Variants in VGF observed in about 807,000 individuals in gnomAD.
VGF encodes the protein neurosecretory protein VGF.
A neutral mutation model predicts 41.1 loss-of-function variants in VGF; 13 were observed. That is an observed-to-expected ratio of 0.32 (90% CI 0.21 to 0.50). The LOEUF (loss-of-function observed/expected upper bound fraction) is 0.50. VGF is among the 20% of genes least tolerant of loss of function. The probability of loss-of-function intolerance (pLI) is 0.98; values close to 1 mark genes in which losing one functional copy is unlikely to be tolerated. For synonymous variants in VGF, 473 were observed against 418.3 expected, an observed-to-expected ratio of 1.13 and a Z score of -1.60; for missense variants, 920 against 882.1, an observed-to-expected ratio of 1.04 and a Z score of -0.54.
At chr7:101,167,073 T>C (rs565321368), upstream of VGF, among the ~76,000 whole-genome samples, 428 of 152,076 alleles carry the variant, frequency 2.8e-3, 3 homozygotes, top group Non-Finnish European at 4.7e-3. This position sits in a 1 kb window ranked among gnomAD's most constrained non-coding sequence, Gnocchi z 4.2. Context: ...TCAGAAACGG[T>C]CCTCGCCCCC....
Position 101,163,809 on chromosome 7 carries a change from G to A in VGF, c.1035C>T (p.Gly345=). 6.5e-7 allele frequency: 1 copy of A among 1,532,922 alleles called. No homozygotes were observed. Among genetic ancestry groups the A allele is most frequent in the Non-Finnish European group, 8.7e-7 (1 of 1,144,708 alleles). The allele number at this position is 1,532,922 out of a possible 1,614,324, so 95.0% of individuals were successfully genotyped here. A position where few individuals can be genotyped will look rare whatever the true frequency, so the allele number is the denominator to read the frequency against. Residue 345 remains glycine, a synonymous_variant, in exon 2 of 2, where the codon GGC becomes GGT. Transcript: ENST00000249330. This position sits in a 1 kb window ranked among gnomAD's most constrained non-coding sequence, Gnocchi z 5.0. ...CCTCCTGCAGCCCCCGACCCCCGAG[G>A]CCGCGCTGCCGGGCCCCGCCCTGCA... is the stretch of plus-strand genomic sequence containing the variant. ...YLLQGGARQR[G]LGGRGLQEAA...
chr7:101,163,719 C>T lies in VGF; in HGVS notation c.1125G>A (p.Glu375=), dbSNP rs1160587059. Residue 375 remains glutamate (E), a synonymous_variant, in exon 2 of 2, where the codon GAG becomes GAA. Transcript: ENST00000249330. This position sits in a 1 kb window ranked among gnomAD's most constrained non-coding sequence, Gnocchi z 5.0. ...CCTCATCCTCTTCCCCCACCCTCTC[C>T]TCCCCGCCGCGTCTCTCCTGCTCCG... is the stretch of plus-strand genomic sequence containing the variant. ...EEAEQERRGG[E]ERVGEEDEEA... is the part of the protein sequence containing the mutation. 12 of 1,535,530 alleles carry T rather than the reference C, an allele frequency of 7.8e-6. No homozygotes were observed. Among genetic ancestry groups the T allele is most frequent in the South Asian group, 1.2e-5 (1 of 83,996 alleles).
upstream of VGF, chr7:101,165,591 C>T (rs946364377): frequency 1.3e-5 from 13 of 985,306 alleles, no homozygotes; most frequent in African/African-American, 1.7e-5. Flanking sequence ...GCGCCTCCAC[C>T]GCCTTATAAA....
chr7:101,166,384 AG>A (rs1362789898), upstream of VGF, among the ~76,000 whole-genome samples: 1 of 152,100 alleles, frequency 6.6e-6, no homozygotes, highest in African/African-American at 2.4e-5. Flanking sequence ...GCTTGTGTCA[AG>A]GCCCCCCGCT....
rs1584210286 is a variant in VGF, at chr7:101,163,302, A to G, written c.1542T>C (p.Ala514=). ...RSPQPPPPAP[A]PARDELPDWN... is the part of the protein sequence containing the mutation. ...AGTCCGGCAGCTCGTCTCGTGCGGGAGCGGGGGCGGGGGGCGGGGGCTGCG... is the reference window on the plus strand; with the variant it reads ...AGTCCGGCAGCTCGTCTCGTGCGGGGGCGGGGGCGGGGGGCGGGGGCTGCG... The change falls in exon 2 of 2, where the codon GCT becomes GCC. Residue 514 remains alanine (A), a synonymous_variant. Transcript: ENST00000249330. This position sits in a 1 kb window ranked among gnomAD's most constrained non-coding sequence, Gnocchi z 5.0. 2.0e-6 allele frequency: 2 copies of G among 1,011,514 alleles called. No homozygotes were observed. Among genetic ancestry groups the G allele is most frequent in the Non-Finnish European group, 2.4e-6 (2 of 830,134 alleles). The allele number at this position is 1,011,514 out of a possible 1,614,324, so 62.7% of individuals were successfully genotyped here.
At chr7:101,165,877 A>G (rs189003560), upstream of VGF, among the ~76,000 whole-genome samples, 18 of 152,318 alleles carry the variant, frequency 1.2e-4, no homozygotes, top group Admixed American at 1.2e-3. Context: ...AAAAGGATGA[A>G]TGAATGAATG....
At chr7:101,166,574 G>A (rs1056449642), upstream of VGF, among the ~76,000 whole-genome samples, 1 of 150,542 alleles carries the variant, frequency 6.6e-6, no homozygotes, top group Non-Finnish European at 1.5e-5. Flanking sequence ...GTTTGAACGC[G>A]ATGGGAGGGG....
At position 101,164,465 on chromosome 7, in the gene VGF, G is replaced by C; in HGVS notation, c.379C>G (p.Pro127Ala). ...ETVRSQTHSL[P>A]APESPEPAAP... ...GCGGGCTCCGGGCTCTCCGGCGCCG[G>C]GAGGCTGTGGGTCTGGCTGCGCACG... is the stretch of plus-strand genomic sequence containing the variant. Residue 127 changes from proline (P) to alanine (A), a missense_variant, in exon 2 of 2, where the codon CCG (proline) becomes GCG (alanine). Pro to Ala is a conservative substitution (Grantham distance 27). Coordinates refer to ENST00000249330, the MANE Select transcript of VGF (RefSeq NM_003378.4). 1.2e-6 allele frequency: 2 copies of C among 1,602,596 alleles called. No homozygotes were observed. The highest frequency in any genetic ancestry group is 1.3e-5 in the African/African-American group (1 of 74,978).
At position 101,163,022 on chromosome 7, in the gene VGF, C is replaced by G. The variant is rs1456211292; in HGVS notation, c.1822G>C (p.Glu608Gln). 6 of 1,542,754 alleles carry G rather than the reference C, an allele frequency of 3.9e-6. No individual in the cohort carries two copies. Among genetic ancestry groups the G allele is most frequent in the Admixed American group, 2.0e-5 (1 of 50,806 alleles). ...CACGGGCGCCGGAGCAGCACGTGCT[C>G]GATGTAATTCTCCAGCTCCTCCTGC... Reference protein sequence around the residue: ...QEQEELENYIEHVLLRRP With the variant: ...QEQEELENYIQHVLLRRP Residue 608 changes from glutamate (E) to glutamine (Q), a missense_variant, in exon 2 of 2, where the codon GAG (glutamate) becomes CAG (glutamine). Transcript: ENST00000249330. The surrounding 1 kb of genome is among the most constrained non-coding windows in gnomAD (Gnocchi z 5.0).
chr7:101,165,736 TGC>T (rs1401321350), upstream of VGF: 39 of 867,324 alleles, frequency 4.5e-5, no homozygotes, highest in Non-Finnish European at 5.3e-5. Flanking sequence ...GGCCTGCGCC[TGC>T]GCGCTGGGGC....
At chr7:101,169,521 G>A (rs1277483481), upstream of VGF, among the ~76,000 whole-genome samples, 1 of 152,082 alleles carries the variant, frequency 6.6e-6, no homozygotes, top group Non-Finnish European at 1.5e-5. Context: ...CAGTTACCCA[G>A]ACCTAGGCTG....
At position 101,164,670 on chromosome 7, in the gene VGF, C is replaced by T. The variant is rs1797188601; in HGVS notation, c.174G>A (p.Glu58=). The part of the protein sequence containing the change: ...VPGPKDGSAP[E]VRGARNSEPQ... ...GCTCGGAATTCCGAGCGCCTCGGAC[C>T]TCTGGGGCGCTGCCATCCTTTGGCC... Residue 58 remains glutamate, a synonymous_variant, in exon 2 of 2, where the codon GAG becomes GAA. Transcript: ENST00000249330. 1 of 1,596,428 alleles carries T rather than the reference C, an allele frequency of 6.3e-7. No individual in the cohort carries two copies. The highest frequency in any genetic ancestry group is 8.5e-7 in the Non-Finnish European group (1 of 1,171,808).
chr7:101,164,477 T>C lies in VGF; in HGVS notation c.367A>G (p.Thr123Ala), dbSNP rs768425527. 1 of 1,601,982 alleles carries C rather than the reference T, an allele frequency of 6.2e-7. No homozygotes were observed. Among genetic ancestry groups the C allele is most frequent in the Non-Finnish European group, 8.5e-7 (1 of 1,178,734 alleles). The change falls in exon 2 of 2, where the codon ACC (threonine) becomes GCC (alanine). Residue 123 changes from threonine (T) to alanine (A), a missense_variant. Thr to Ala is a moderately conservative substitution (Grantham distance 58). Coordinates refer to ENST00000249330, the MANE Select transcript of VGF (RefSeq NM_003378.4). Reference sequence around the variant, plus strand: ...CTCTCCGGCGCCGGGAGGCTGTGGGTCTGGCTGCGCACGGTCTCGGTCAGC... The same window carrying C: ...CTCTCCGGCGCCGGGAGGCTGTGGGCCTGGCTGCGCACGGTCTCGGTCAGC... ...ALLTETVRSQ[T>A]HSLPAPESPE...
Position 101,164,175 on chromosome 7 carries a change from C to G in VGF, c.669G>C (p.Leu223=). ...FQARVPERAP[L]PPPAPSQFQA... is the part of the protein sequence containing the mutation. The stretch of plus-strand genomic sequence containing the variant: ...GGAATTGAGAGGGGGCCGGGGGCGG[C>G]AGGGGCGCGCGCTCCGGGACACGCG... Residue 223 remains leucine, a synonymous_variant, in exon 2 of 2, where the codon CTG becomes CTC. Transcript: ENST00000249330. 1 of 1,512,480 alleles carries G rather than the reference C, an allele frequency of 6.6e-7. No homozygotes were observed. Among genetic ancestry groups the G allele is most frequent in the Non-Finnish European group, 8.8e-7 (1 of 1,137,340 alleles). The allele number at this position is 1,512,480 out of a possible 1,614,324, so 93.7% of individuals were successfully genotyped here.
chr7:101,163,900 C>T lies in VGF; in HGVS notation c.944G>A (p.Arg315Gln), dbSNP rs962048493. The change falls in exon 2 of 2, where the codon CGG becomes CAG. Residue 315 changes from arginine to glutamine, a missense_variant. Transcript: ENST00000249330. The surrounding 1 kb of genome is among the most constrained non-coding windows in gnomAD (Gnocchi z 5.0). ...CCGCTCTTCCTGCGCCGCGGCCTGC[C>T]GCGTGGCCTCCGCCTGCCGCCGCCC... The part of the protein sequence containing the change: ...EAGRRQAEAT[R>Q]QAAAQEERLA... The T allele has an allele frequency of 1.4e-6, 2 of 1,473,862 alleles. No homozygotes were observed. The highest frequency in any genetic ancestry group is 2.5e-5 in the Admixed American group (1 of 40,716). The allele number at this position is 1,473,862 out of a possible 1,614,324, so 91.3% of individuals were successfully genotyped here.
In VGF at chr7:101,164,234, G is replaced by C; in HGVS notation, c.610C>G (p.Arg204Gly). Residue 204 changes from arginine (R) to glycine (G), a missense_variant, in exon 2 of 2, where the codon CGC (arginine) becomes GGC (glycine). Coordinates refer to ENST00000249330, the MANE Select transcript of VGF (RefSeq NM_003378.4). ...RVNLESPGPERVWRASWGEFQ... is the reference protein window; with the variant it reads ...RVNLESPGPEGVWRASWGEFQ... ...TCTCCCCAGGAAGCGCGCCATACGC[G>C]CTCTGGCCCCGGGCTCTCCAGATTC... 2.5e-6 allele frequency: 4 copies of C among 1,578,900 alleles called. No individual in the cohort carries two copies. Among genetic ancestry groups the C allele is most frequent in the Non-Finnish European group, 3.4e-6 (4 of 1,164,640 alleles).
At position 101,164,452 on chromosome 7, in the gene VGF, C is replaced by A. The variant is rs1206086299; in HGVS notation, c.392G>T (p.Ser131Ile). Residue 131 changes from serine to isoleucine, a missense_variant, in exon 2 of 2, where the codon AGC becomes ATC. Ser to Ile is a moderately radical substitution (Grantham distance 142). Coordinates refer to ENST00000249330, the MANE Select transcript of VGF (RefSeq NM_003378.4). ...GCGAGGCGGAGCCGCGGGCTCCGGGCTCTCCGGCGCCGGGAGGCTGTGGGT... is the reference window on the plus strand; with the variant it reads ...GCGAGGCGGAGCCGCGGGCTCCGGGATCTCCGGCGCCGGGAGGCTGTGGGT... ...SQTHSLPAPE[S>I]PEPAAPPRPQ... 5 of 1,603,918 alleles carry A rather than the reference C, an allele frequency of 3.1e-6. No individual in the cohort carries two copies. In the East Asian group the frequency reaches 6.7e-5, roughly 22 times the overall value.
At position 101,163,140 on chromosome 7, in the gene VGF, G is replaced by T. The variant is rs779495875; in HGVS notation, c.1704C>A (p.His568Gln). The T allele has an allele frequency of 3.2e-6, 5 of 1,584,832 alleles. No homozygotes were observed. The highest frequency in any genetic ancestry group is 1.8e-5 in the Admixed American group (1 of 56,532). ...PSALRRRHYH[H>Q]ALPPSRHYPG... is the part of the protein sequence containing the mutation. Reference sequence around the variant, plus strand: ...GATAGTGGCGCGAAGGCGGCAAGGCGTGGTGGTAGTGGCGGCGGCGCAAGG... The same window carrying T: ...GATAGTGGCGCGAAGGCGGCAAGGCTTGGTGGTAGTGGCGGCGGCGCAAGG... The change falls in exon 2 of 2, where the codon CAC (histidine) becomes CAA (glutamine). Residue 568 changes from histidine to glutamine, a missense_variant. This residue lies in a region of VGF where 257 missense variants were observed against 217.2 expected (regional missense o/e 1.18). Transcript: ENST00000249330. The surrounding 1 kb of genome is among the most constrained non-coding windows in gnomAD (Gnocchi z 5.0).
intron 1 of VGF, chr7:101,165,138 G>A: frequency 8.8e-7 from 1 of 1,140,066 alleles, no homozygotes; most frequent in Non-Finnish European, 1.1e-6. Context: ...CACGTACTAA[G>A]CAGCAGCAAT....
Sources: gnomAD v4.1 joint callset for allele counts (sites outside exome capture counted in the v4.1 genomes callset) on GRCh38, gnomAD v4.1.1 for gene constraint, gnomAD v4.1.1 regional missense constraint, Gnocchi (gnomAD v3.1) non-coding constraint, MANE v1.5 for transcripts, NCBI Gene and HGNC (gene_info 2026-07-23, HGNC 2026-07-21) for gene names.